Variants in KYNU observed in about 807,000 individuals in gnomAD.
KYNU encodes the protein kynureninase, also known as L-kynurenine hydrolase.
Under a neutral mutation model 59.2 loss-of-function variants are expected in KYNU, and 54 were observed. The observed-to-expected ratio is 0.91, with a 90% CI of 0.73 to 1.14. The LOEUF is 1.14. KYNU is among the 50% of genes most tolerant of loss of function. The pLI, the probability that KYNU is intolerant of heterozygous loss-of-function variation, is 0.00. For synonymous variants in KYNU, 177 were observed against 192.0 expected, an observed-to-expected ratio of 0.92 and a Z score of 0.65; for missense variants, 567 against 554.4, an observed-to-expected ratio of 1.02 and a Z score of -0.23.
chr2:142,899,206 C>T (rs759711997), intron 2 of KYNU, among the ~76,000 whole-genome samples: 2 of 152,092 alleles, frequency 1.3e-5, no homozygotes, highest in Non-Finnish European at 2.9e-5. Flanking sequence ...AGCTCCCATA[C>T]GATGGGAGGG....
chr2:143,013,541 A>G (rs369663253), intron 10 of KYNU, among the ~76,000 whole-genome samples: 3 of 152,296 alleles, frequency 2.0e-5, no homozygotes, highest in East Asian at 3.9e-4. Context: ...GAAAAGTTGC[A>G]TATATGAATG....
At chr2:143,010,795 AAAAC>A (rs1298482002) in intron 10 of KYNU, among the ~76,000 whole-genome samples, 1,465 of 146,126 alleles carry the variant, frequency 0.01, 24 homozygotes, top group Middle Eastern at 0.018. Flanking sequence ...AAACCTGAGA[AAAAC>A]AAGCAATGGG....
intron 10 of KYNU, among the ~76,000 whole-genome samples, chr2:143,018,179 A>G (rs1431742632): frequency 6.6e-6 from 1 of 152,074 alleles, no homozygotes; most frequent in Non-Finnish European, 1.5e-5. Context: ...TTTTTCTCAC[A>G]ATTGCTTTTG....
In KYNU at chr2:142,896,125, T is replaced by G. The variant is rs182906561; in HGVS notation, c.169+10589T>G. Among the ~76,000 whole-genome samples the G allele has an allele frequency of 1.2e-3, 181 of 152,364 alleles. 1 individual carries two copies. The highest frequency in any genetic ancestry group is 0.012 in the Admixed American group (179 of 15,300). Reference sequence around the variant, plus strand: ...TTGATTTGGAACTCAAACCACAGTTTGTCAAGTCGTTTTAGAATGCTATAA... The same window carrying G: ...TTGATTTGGAACTCAAACCACAGTTGGTCAAGTCGTTTTAGAATGCTATAA... On this transcript the variant is annotated intron_variant, in intron 2 of 13. Coordinates refer to ENST00000264170, the MANE Select transcript of KYNU (RefSeq NM_003937.3).
At chr2:143,028,693 A>T (rs1394213884) in intron 10 of KYNU, among the ~76,000 whole-genome samples, 1 of 151,710 alleles carries the variant, frequency 6.6e-6, no homozygotes, top group African/African-American at 2.4e-5. Context: ...TAAAAATACA[A>T]AAAAGTTAGC....
At chr2:142,936,849 G>C (rs1683406757) in intron 4 of KYNU, among the ~76,000 whole-genome samples, 1 of 152,156 alleles carries the variant, frequency 6.6e-6, no homozygotes, top group African/African-American at 2.4e-5. Flanking sequence ...TAGGCCCAAG[G>C]AGGACGCAGA....
Position 143,048,373 on chromosome 2 carries a change from A to G in KYNU, c.*6201A>G, listed in dbSNP as rs1687204231. On this transcript the variant is annotated 3_prime_UTR_variant, in exon 14 of 14. Coordinates refer to ENST00000264170, the MANE Select transcript of KYNU (RefSeq NM_003937.3). ...CTCCTTCTGACTAGTTGAAGAAATGAGAATGCTTTAACATCAAACAGCCAA... is the reference window on the plus strand; with the variant it reads ...CTCCTTCTGACTAGTTGAAGAAATGGGAATGCTTTAACATCAAACAGCCAA... The G allele has an allele frequency of 6.6e-6, 1 of 152,170 alleles. No individual in the cohort carries two copies. 9.4% of individuals were successfully genotyped at this position (152,170 alleles called of 1,614,324 possible).
In KYNU at chr2:142,973,935, G is replaced by C. The variant is rs553415753; in HGVS notation, c.730-11149G>C. 2.6e-5 allele frequency among the ~76,000 whole-genome samples: 4 copies of C among 152,214 alleles called. No individual in the cohort carries two copies. The East Asian group carries it at 7.7e-4, about 29-fold the overall frequency. ...CAACGGGAGACAATAGATTCACTAA[G>C]GTGTCTTAGAAAAAACACCCTCGAC... On this transcript the variant is annotated intron_variant, in intron 8 of 13. Transcript: ENST00000264170.
intron 8 of KYNU, among the ~76,000 whole-genome samples, chr2:142,980,033 G>A (rs376810096): frequency 2.2e-4 from 34 of 152,166 alleles, no homozygotes; most frequent in African/African-American, 8.2e-4. Flanking sequence ...TACTAAACAA[G>A]GTGTGGATTA....
rs1433106807 is a variant in KYNU, at chr2:143,045,445, T to C, written c.*3273T>C. 1.3e-5 allele frequency: 2 copies of C among 152,198 alleles called. No individual in the cohort carries two copies. Among genetic ancestry groups the C allele is most frequent in the African/African-American group, 2.4e-5 (1 of 41,452 alleles). The allele number at this position is 152,198 out of a possible 1,614,324, so 9.4% of individuals were successfully genotyped here. ...AGCAATATGGCCATTTTCAGGATAT[T>C]GATTCTTCCTATCTATGAGCATGGA... On this transcript the variant is annotated 3_prime_UTR_variant, in exon 14 of 14. Transcript: ENST00000264170.
At position 142,918,718 on chromosome 2, in the gene KYNU, G is replaced by A. The variant is rs766018464; in HGVS notation, c.279G>A (p.Lys93=). Residue 93 remains lysine, a synonymous_variant, in exon 3 of 14, where the codon AAG becomes AAA. Coordinates refer to ENST00000264170, the MANE Select transcript of KYNU (RefSeq NM_003937.3). ...CATATCTTGAAGAAGAACTAGATAA[G>A]TGGGCCAAAATGTAAGTATTATTTT... ...VKTYLEEELD[K]WAKIAAYGHE... 3 of 1,611,558 alleles carry A rather than the reference G, an allele frequency of 1.9e-6. No homozygotes were observed. The South Asian group carries it at 3.3e-5, about 18-fold the overall frequency.
At chr2:143,037,718 A>G (rs1417424992) in intron 12 of KYNU, among the ~76,000 whole-genome samples, 1 of 152,170 alleles carries the variant, frequency 6.6e-6, no homozygotes, top group Non-Finnish European at 1.5e-5. Flanking sequence ...TTTTCAAACC[A>G]CAGTTTTCAT....
At chr2:142,906,461 G>T (rs1558913252) in intron 2 of KYNU, among the ~76,000 whole-genome samples, 1 of 152,116 alleles carries the variant, frequency 6.6e-6, no homozygotes, top group African/African-American at 2.4e-5. Flanking sequence ...GTGGAGAACG[G>T]GTCCCACATA....
chr2:142,986,902 A>G (rs548072690), intron 10 of KYNU, among the ~76,000 whole-genome samples: 1 of 151,842 alleles, frequency 6.6e-6, no homozygotes, highest in African/African-American at 2.4e-5. Flanking sequence ...AGCACCTCAC[A>G]TTTCTGAAGT....
chr2:142,926,231 A>C (rs963887424), intron 3 of KYNU, among the ~76,000 whole-genome samples: 3 of 152,124 alleles, frequency 2.0e-5, no homozygotes, highest in African/African-American at 4.8e-5. Context: ...ATACTTATGC[A>C]ACAAACCTGC....
chr2:142,917,721 T>C (rs1682712094), intron 2 of KYNU, among the ~76,000 whole-genome samples: 1 of 152,228 alleles, frequency 6.6e-6, no homozygotes, highest in Non-Finnish European at 1.5e-5. Flanking sequence ...TATATACATA[T>C]ATTTTATTGG....
At position 143,046,058 on chromosome 2, in the gene KYNU, A is replaced by G. The variant is rs78164218; in HGVS notation, c.*3886A>G. 6.6e-6 allele frequency: 1 copy of G among 152,188 alleles called. No individual in the cohort carries two copies. Among genetic ancestry groups the G allele is most frequent in the Admixed American group, 6.6e-5 (1 of 15,254 alleles). The allele number at this position is 152,188 out of a possible 1,614,324, so 9.4% of individuals were successfully genotyped here. ...AAATTATATCAAAGTATATAAACATATCATGGAAAACATAATCAGCACCAT... is the reference window on the plus strand; with the variant it reads ...AAATTATATCAAAGTATATAAACATGTCATGGAAAACATAATCAGCACCAT... On this transcript the variant is annotated 3_prime_UTR_variant, in exon 14 of 14. Coordinates refer to ENST00000264170, the MANE Select transcript of KYNU (RefSeq NM_003937.3).
At chr2:142,886,429 C>T (rs1016895059) in intron 2 of KYNU, among the ~76,000 whole-genome samples, 1 of 152,036 alleles carries the variant, frequency 6.6e-6, no homozygotes, top group African/African-American at 2.4e-5. Flanking sequence ...CAGCTATGTA[C>T]CCAACAACCT....
rs72349700 is a variant in KYNU at position 143,013,298 on chromosome 2, C to CTCTGTGTGTGTGTGTG, written c.903-16328_903-16327insCTGTGTGTGTGTGTGT. On this transcript the variant is annotated intron_variant, in intron 10 of 13. Transcript: ENST00000264170. Reference sequence around the variant, plus strand: ...TCTCTCTGTTTCTCTGTCTCTTTCTCTGTGTGTGTGTGTGTGTGTGTCCAT... The same window carrying CTCTGTGTGTGTGTGTG: ...TCTCTCTGTTTCTCTGTCTCTTTCTCTCTGTGTGTGTGTGTGTGTGTGTGTGTGTGTGTGTGTCCAT... Among the ~76,000 whole-genome samples the CTCTGTGTGTGTGTGTG allele has an allele frequency of 7.5e-3, 1,119 of 149,554 alleles. 6 individuals are homozygous for CTCTGTGTGTGTGTGTG. The highest frequency in any genetic ancestry group is 0.026 in the African/African-American group (1,070 of 40,558).
Sources: allele counts gnomAD v4.1 joint callset (sites outside exome capture counted in the v4.1 genomes callset), GRCh38; gene constraint gnomAD v4.1.1; transcripts MANE v1.5; gene names NCBI Gene and HGNC (gene_info 2026-07-23, HGNC 2026-07-21).